TMCC1: variants seen among roughly 807,000 people sequenced by gnomAD.
TMCC1 encodes transmembrane and coiled-coil domains protein 1.
TMCC1 carries 15 observed loss-of-function variants against 52.4 expected under a neutral mutation model. That is an observed-to-expected ratio of 0.29 (90% CI 0.19 to 0.44). The LOEUF (loss-of-function observed/expected upper bound fraction) is 0.44, where lower values mean the gene tolerates loss of function less well. Ranked by LOEUF, TMCC1 falls within the 20% of genes least tolerant of loss-of-function variation. TMCC1 has a pLI of 1.00. For synonymous variants in TMCC1, 279 were observed against 301.9 expected (o/e 0.92, Z 0.79); for missense variants, 503 against 806.0 (o/e 0.62, Z 4.55).
Position 129,651,913 on chromosome 3 carries a change from C to CA in TMCC1, c.1648-119_1648-118insT, listed in dbSNP as rs2086355786. On this transcript the variant is annotated intron_variant, in intron 6 of 6. Transcript: ENST00000393238. This position sits in a 1 kb window ranked among gnomAD's most constrained non-coding sequence, Gnocchi z 5.1. ...CAATGCCAATGATTTTATAAATATG[C>CA]TGGAGCCTTGAATGAATGTAAAAGG... 2 of 1,119,724 alleles carry CA rather than the reference C, an allele frequency of 1.8e-6. No individual in the cohort carries two copies. The highest frequency in any genetic ancestry group is 2.6e-5 in the East Asian group (1 of 38,634). 69.4% of individuals were successfully genotyped at this position (1,119,724 alleles called of 1,614,324 possible). A position where few individuals can be genotyped will look rare whatever the true frequency, so the allele number is the denominator to read the frequency against.
intron 4 of TMCC1, among the ~76,000 whole-genome samples, chr3:129,750,725 C>A (rs1382485086): frequency 4.7e-5 from 7 of 150,442 alleles, no homozygotes. Context: ...CAGGGGCCTG[C>A]CACCATGCCC....
At chr3:129,860,606 T>TA (rs1169513629) in intron 2 of TMCC1, among the ~76,000 whole-genome samples, 7 of 146,002 alleles carry the variant, frequency 4.8e-5, no homozygotes, top group African/African-American at 1.3e-4. Flanking sequence ...ACATTATTAT[T>TA]TTTTTTTTTT....
chr3:129,851,085 T>C (rs2059897523), intron 2 of TMCC1, among the ~76,000 whole-genome samples: 2 of 152,246 alleles, frequency 1.3e-5, no homozygotes. Flanking sequence ...GGCCAGTTTA[T>C]GGCCAGATTT....
At chr3:129,851,828 ATACCATGGAATGT>A (rs1284918901) in intron 2 of TMCC1, among the ~76,000 whole-genome samples, 1 of 152,228 alleles carries the variant, frequency 6.6e-6, no homozygotes, top group Non-Finnish European at 1.5e-5. Context: ...CAGCATATAC[ATACCATGGAATGT>A]TATTCAGCCT....
chr3:129,756,892 G>A (rs953181819), intron 4 of TMCC1, among the ~76,000 whole-genome samples: 5 of 152,194 alleles, frequency 3.3e-5, no homozygotes, highest in Middle Eastern at 3.2e-3. Context: ...TTAGGGTAAA[G>A]GAGTTGTTGT....
chr3:129,754,469 T>C (rs539401055), intron 4 of TMCC1, among the ~76,000 whole-genome samples: 1 of 152,252 alleles, frequency 6.6e-6, no homozygotes, highest in East Asian at 1.9e-4. Context: ...ATTTTAAGAC[T>C]TACTACAACA....
At chr3:129,730,533 TA>T (rs2107613960) in intron 4 of TMCC1, among the ~76,000 whole-genome samples, 1 of 152,338 alleles carries the variant, frequency 6.6e-6, no homozygotes, top group South Asian at 2.1e-4. Context: ...CTTTTACTAA[TA>T]TGGCCTCATC....
chr3:129,793,232 T>C (rs2056595889), intron 4 of TMCC1, among the ~76,000 whole-genome samples: 1 of 152,092 alleles, frequency 6.6e-6, no homozygotes, highest in Non-Finnish European at 1.5e-5. Flanking sequence ...TATATTTTAA[T>C]ACTCCTAAAA....
chr3:129,772,897 T>C (rs555512789), intron 4 of TMCC1, among the ~76,000 whole-genome samples: 37 of 152,220 alleles, frequency 2.4e-4, no homozygotes, highest in Middle Eastern at 6.8e-3. Flanking sequence ...CCTACTCTGT[T>C]GGTAAAATAG....
chr3:129,775,663 G>T (rs554315253), intron 4 of TMCC1, among the ~76,000 whole-genome samples: 73 of 152,238 alleles, frequency 4.8e-4, no homozygotes, highest in African/African-American at 1.7e-3. Flanking sequence ...AAGCTGTCAA[G>T]TAGGCAACTG....
At chr3:129,768,553 A>C (rs1238282084) in intron 4 of TMCC1, among the ~76,000 whole-genome samples, 3 of 152,158 alleles carry the variant, frequency 2.0e-5, no homozygotes, top group African/African-American at 7.2e-5. Flanking sequence ...GAGAAACTTA[A>C]ACCATCCATT....
At chr3:129,792,205 CATAT>C (rs1220101887) in intron 4 of TMCC1, among the ~76,000 whole-genome samples, 3 of 150,160 alleles carry the variant, frequency 2.0e-5, no homozygotes, top group African/African-American at 7.3e-5. Context: ...TATATATACA[CATAT>C]ATATATCTAT....
chr3:129,893,509 G>A lies in TMCC1; in HGVS notation c.-450C>T, dbSNP rs2062083912. 6.6e-6 allele frequency: 1 copy of A among 152,174 alleles called. No homozygotes were observed. The highest frequency in any genetic ancestry group is 6.6e-5 in the Admixed American group (1 of 15,234). 9.4% of individuals were successfully genotyped at this position (152,174 alleles called of 1,614,324 possible). A position where few individuals can be genotyped will look rare whatever the true frequency, so the allele number is the denominator to read the frequency against. ...GCTCACTCACCGGCGGGGAGGGGAG[G>A]AGCAGCCGGCGTCTCCGCCAGCGCC... On this transcript the variant is annotated 5_prime_UTR_variant, in exon 1 of 7. Coordinates refer to ENST00000393238, the MANE Select transcript of TMCC1 (RefSeq NM_001017395.5).
At chr3:129,860,497 C>T (rs1026447303) in intron 2 of TMCC1, among the ~76,000 whole-genome samples, 10 of 152,118 alleles carry the variant, frequency 6.6e-5, no homozygotes, top group Non-Finnish European at 1.2e-4. Context: ...CCTGAGTCTA[C>T]AGTGTACATC....
intron 2 of TMCC1, among the ~76,000 whole-genome samples, chr3:129,880,002 G>A (rs1356526153): frequency 1.3e-5 from 2 of 152,082 alleles, no homozygotes; most frequent in African/African-American, 4.8e-5. Context: ...GCAAGACTCT[G>A]TCTCTATTAT....
intron 4 of TMCC1, among the ~76,000 whole-genome samples, chr3:129,789,433 GA>G (rs1474059784): frequency 1.3e-5 from 2 of 151,934 alleles, no homozygotes; most frequent in Non-Finnish European, 2.9e-5. Flanking sequence ...AACTACTTCT[GA>G]AAAAAACAAC....
chr3:129,868,461 T>C (rs2060758105), intron 2 of TMCC1, among the ~76,000 whole-genome samples: 1 of 152,194 alleles, frequency 6.6e-6, no homozygotes, highest in Middle Eastern at 3.2e-3. Context: ...TTTTTTGAGA[T>C]AGAGTCTTGC....
At chr3:129,673,093 T>C (rs1259754823) in intron 4 of TMCC1, among the ~76,000 whole-genome samples, 1 of 152,198 alleles carries the variant, frequency 6.6e-6, no homozygotes, top group African/African-American at 2.4e-5. Context: ...AAAATAACGT[T>C]ATGCACCACT....
chr3:129,663,186 C>T (rs949839830), intron 5 of TMCC1, among the ~76,000 whole-genome samples: 10 of 152,126 alleles, frequency 6.6e-5, no homozygotes, highest in African/African-American at 2.4e-4. Flanking sequence ...CCTGGGAATG[C>T]TTTGACCTGA....
Sources: allele counts gnomAD v4.1 joint callset (sites outside exome capture counted in the v4.1 genomes callset), GRCh38; gene constraint gnomAD v4.1.1; non-coding constraint Gnocchi (gnomAD v3.1); transcripts MANE v1.5; gene names NCBI Gene and HGNC (gene_info 2026-07-23, HGNC 2026-07-21).